PSPC1: variants seen among roughly 807,000 people sequenced by gnomAD.
PSPC1 encodes paraspeckle component 1.
PSPC1 carries 14 observed loss-of-function variants against 51.6 expected under a neutral mutation model. The ratio of observed to expected loss-of-function variants is 0.27; its 90% confidence interval spans 0.18 to 0.42. PSPC1 has a LOEUF of 0.42. Among genes scored for constraint, PSPC1 ranks in the 10% least tolerant of loss-of-function variants. The pLI is 1.00. For synonymous variants in PSPC1, 193 were observed against 231.9 expected, an observed-to-expected ratio of 0.83 and a Z score of 1.53; for missense variants, 406 against 701.1, an observed-to-expected ratio of 0.58 and a Z score of 4.75.
chr13:19,744,517 A>AG, intron 4 of PSPC1, among the ~76,000 whole-genome samples: 1 of 152,266 alleles, frequency 6.6e-6, no homozygotes. Context: ...ATATCTTTCT[A>AG]GGGGAAAAAA....
At chr13:19,766,755 T>C (rs1178017757) in intron 2 of PSPC1, among the ~76,000 whole-genome samples, 8 of 151,474 alleles carry the variant, frequency 5.3e-5, no homozygotes, top group Non-Finnish European at 1.2e-4. Flanking sequence ...CTTGGGAGCC[T>C]GAGGTGGGAG....
chr13:19,710,470 GA>G (rs1431534507), intron 6 of PSPC1, among the ~76,000 whole-genome samples: 1 of 152,114 alleles, frequency 6.6e-6, no homozygotes, highest in Non-Finnish European at 1.5e-5. Context: ...TAGCAATCAT[GA>G]AAAACATTCC....
chr13:19,722,328 C>G (rs774739630), intron 6 of PSPC1, among the ~76,000 whole-genome samples: 41 of 151,802 alleles, frequency 2.7e-4, no homozygotes, highest in Non-Finnish European at 5.4e-4. Flanking sequence ...GAGACTCCAA[C>G]TCTACAAAAA....
intron 6 of PSPC1, among the ~76,000 whole-genome samples, chr13:19,689,828 C>G (rs1280141510): frequency 6.6e-6 from 1 of 152,098 alleles, no homozygotes; most frequent in African/African-American, 2.4e-5. Flanking sequence ...TTGAAATCAC[C>G]ATTTGTAAAA....
intron 7 of PSPC1, among the ~76,000 whole-genome samples, chr13:19,707,702 A>G (rs1880879828): frequency 6.6e-6 from 1 of 152,162 alleles, no homozygotes. Context: ...AGGACTCTAA[A>G]GGCATATTCT....
At chr13:19,771,943 C>G (rs530358830) in intron 2 of PSPC1, among the ~76,000 whole-genome samples, 5 of 152,230 alleles carry the variant, frequency 3.3e-5, no homozygotes, top group African/African-American at 1.2e-4. Context: ...GTCAATAAAG[C>G]TGATTACAAT....
Position 19,705,925 on chromosome 13 carries a change from A to T in PSPC1, c.1217-94T>A, listed in dbSNP as rs202215993. 7 of 927,936 alleles carry T rather than the reference A, an allele frequency of 7.5e-6. No individual in the cohort carries two copies. In the South Asian group the frequency reaches 1.8e-4, roughly 23 times the overall value. The allele number at this position is 927,936 out of a possible 1,614,324, so 57.5% of individuals were successfully genotyped here. On this transcript the variant is annotated intron_variant, in intron 7 of 8. Transcript: ENST00000338910. ...TTTATGCAATCTATATACCAAGACCATTATCAAAATTATTTTCGCTCCTTA... is the reference window on the plus strand; with the variant it reads ...TTTATGCAATCTATATACCAAGACCTTTATCAAAATTATTTTCGCTCCTTA...
intron 2 of PSPC1, among the ~76,000 whole-genome samples, chr13:19,762,297 C>T (rs561896313): frequency 2.2e-3 from 337 of 152,278 alleles, no homozygotes; most frequent in African/African-American, 8.0e-3. Flanking sequence ...GTGGCTCACG[C>T]CTGTAACCCC....
chr13:19,771,538 C>A (rs770223643), intron 2 of PSPC1, among the ~76,000 whole-genome samples: 6 of 151,756 alleles, frequency 4.0e-5, no homozygotes, highest in Non-Finnish European at 7.4e-5. Context: ...AGGGTTCAAG[C>A]AATTATCATG....
At chr13:19,771,231 G>A (rs138223481) in intron 2 of PSPC1, among the ~76,000 whole-genome samples, 4,135 of 152,022 alleles carry the variant, frequency 0.027, 101 homozygotes, top group Middle Eastern at 0.068. Context: ...TCCGCCCCCC[G>A]GGTTCAACCG....
chr13:19,685,779 C>G (rs967015862), intron 6 of PSPC1, among the ~76,000 whole-genome samples: 2 of 152,152 alleles, frequency 1.3e-5, no homozygotes, highest in Non-Finnish European at 2.9e-5. Flanking sequence ...ACCCAAATCC[C>G]TAACAAAAAA....
Position 19,751,292 on chromosome 13 carries a change from G to C in PSPC1, c.946C>G (p.Gln316Glu). ...TTACCTTGCCTCATTAGCATTAATT[G>C]GTGTTCATGCCTAGCTGCTTCCATT... ...AEMEAARHEH[Q>E]LMLMRQDLMR... The change falls in exon 4 of 9, where the codon CAA (glutamine) becomes GAA (glutamate). Residue 316 changes from glutamine (Q) to glutamate (E), a missense_variant. Gln to Glu is a conservative substitution (Grantham distance 29). Around this residue, in one of 5 missense-constraint regions of PSPC1, gnomAD observed 180 missense variants for 337.9 expected, o/e 0.53. Transcript: ENST00000338910. 5 of 1,548,866 alleles carry C rather than the reference G, an allele frequency of 3.2e-6. No individual in the cohort carries two copies. Among genetic ancestry groups the C allele is most frequent in the Non-Finnish European group, 4.3e-6 (5 of 1,154,692 alleles).
chr13:19,747,615 G>A (rs1003762764), intron 4 of PSPC1, among the ~76,000 whole-genome samples: 4 of 152,168 alleles, frequency 2.6e-5, no homozygotes, highest in African/African-American at 4.8e-5. Context: ...ACAGGCATGA[G>A]CCACTACACC....
intron 4 of PSPC1, among the ~76,000 whole-genome samples, chr13:19,749,340 C>T (rs1407336703): frequency 6.6e-6 from 1 of 151,728 alleles, no homozygotes; most frequent in Admixed American, 6.6e-5. Context: ...AACAGTGAGA[C>T]TCCATCTCAA....
At chr13:19,687,270 T>C (rs1024802105) in intron 6 of PSPC1, among the ~76,000 whole-genome samples, 1 of 152,148 alleles carries the variant, frequency 6.6e-6, no homozygotes, top group African/African-American at 2.4e-5. Flanking sequence ...GGATGTGCAT[T>C]TCTGTAACTC....
At chr13:19,734,332 T>G (rs1160767342) in intron 5 of PSPC1, among the ~76,000 whole-genome samples, 1 of 152,226 alleles carries the variant, frequency 6.6e-6, no homozygotes. Context: ...TTTTACAATT[T>G]GTTTTATTTT....
chr13:19,730,969 A>AAAAAAAAAAAAAAAAAC (rs1884023504), intron 5 of PSPC1, among the ~76,000 whole-genome samples: 24 of 146,604 alleles, frequency 1.6e-4, no homozygotes, highest in Non-Finnish European at 2.7e-4. Context: ...AAAAAACAAA[A>AAAAAAAAAAAAAAAAAC]AAAAAAAAAA....
At chr13:19,694,925 T>C (rs139873788) in intron 6 of PSPC1, among the ~76,000 whole-genome samples, 1 of 152,242 alleles carries the variant, frequency 6.6e-6, no homozygotes, top group African/African-American at 2.4e-5. Flanking sequence ...TATCGCTACA[T>C]GGTAAGATAT....
intron 6 of PSPC1, among the ~76,000 whole-genome samples, chr13:19,714,764 T>C (rs1243084259): frequency 6.6e-6 from 1 of 152,048 alleles, no homozygotes; most frequent in African/African-American, 2.4e-5. Context: ...CAAAGTGCTG[T>C]GATTACAGGT....
Sources: gnomAD v4.1 joint callset for allele counts (sites outside exome capture counted in the v4.1 genomes callset) on GRCh38, gnomAD v4.1.1 for gene constraint, gnomAD v4.1.1 regional missense constraint, MANE v1.5 for transcripts, NCBI Gene and HGNC (gene_info 2026-07-23, HGNC 2026-07-21) for gene names.